The following REPS2 variants were observed in gnomAD, a reference collection of about 807,000 sequenced individuals.
REPS2 encodes ralBP1-associated Eps domain-containing protein 2.
In REPS2, 23 loss-of-function variants were observed where a neutral mutation model predicts 53.6. The observed-to-expected ratio is 0.43, with a 90% CI of 0.31 to 0.61. The LOEUF (loss-of-function observed/expected upper bound fraction) is 0.61, where lower values mean the gene tolerates loss of function less well. Ranked by LOEUF, REPS2 falls within the 20% of genes least tolerant of loss-of-function variation. The probability of loss-of-function intolerance (pLI) is 0.11; values close to 1 mark genes in which losing one functional copy is unlikely to be tolerated. For synonymous variants in REPS2, 238 were observed against 218.6 expected (o/e 1.09, Z -0.78); for missense variants, 446 against 534.9 (o/e 0.83, Z 1.64).
intron 14 of REPS2, among the ~76,000 whole-genome samples, chrX:17,128,727 C>T (rs1407544634): frequency 8.9e-6 from 1 of 112,686 alleles, no homozygotes; most frequent in Admixed American, 9.3e-5. Context: ...TCATATTGTC[C>T]CATCAACCAT....
chrX:16,986,118 A>G (rs756285504), intron 1 of REPS2, among the ~76,000 whole-genome samples: 18 of 112,220 alleles, frequency 1.6e-4, no homozygotes, highest in African/African-American at 5.5e-4. Context: ...TGCAATTTTA[A>G]TGCAACTTAT....
At chrX:16,962,276 T>TACACACACACAC (rs61520216) in intron 1 of REPS2, among the ~76,000 whole-genome samples, 10 of 81,859 alleles carry the variant, frequency 1.2e-4, no homozygotes, top group East Asian at 4.3e-4. Flanking sequence ...TATCGTGGGA[T>TACACACACACAC]ACACACACAC....
intron 1 of REPS2, among the ~76,000 whole-genome samples, chrX:16,988,314 A>C (rs1022647711): frequency 1.8e-5 from 2 of 111,589 alleles, no homozygotes; most frequent in Middle Eastern, 4.6e-3. Flanking sequence ...CTATTTGCAG[A>C]TGACATGATT....
chrX:17,025,171 A>G lies in REPS2; in HGVS notation c.659A>G (p.Glu220Gly), dbSNP rs748902282. 13 of 1,209,142 alleles carry G rather than the reference A, an allele frequency of 1.1e-5. No individual in the cohort carries two copies. The highest frequency in any genetic ancestry group is 2.3e-4 in the Middle Eastern group (1 of 4,361). ...TACAGCAAACTGCGGAGCAGCGCAG[A>G]ACAGATGCATCCAGGTAAGAGGCGA... ...HGYSKLRSSA[E>G]QMHPAPYEAR... Residue 220 changes from glutamate (E) to glycine (G), a missense_variant, in exon 4 of 18, where the codon GAA becomes GGA. By Grantham distance (98) the Glu-to-Gly change is moderately conservative. Coordinates refer to ENST00000357277, the MANE Select transcript of REPS2 (RefSeq NM_004726.3).
At position 17,117,744 on chromosome X, in the gene REPS2, T is replaced by C. The variant is rs780542322; in HGVS notation, c.1578+13965T>C. ...GTGCCGCAATAAACATACGTGTGCA[T>C]GTGTCTTTATAGCAGCATGATTTAT... On this transcript the variant is annotated intron_variant, in intron 14 of 17. Transcript: ENST00000357277. Among the ~76,000 whole-genome samples the C allele has an allele frequency of 4.1e-4, 45 of 109,642 alleles. No individual in the cohort carries two copies. The East Asian group carries it at 0.013, about 31-fold the overall frequency.
chrX:17,108,254 A>T (rs1238021837), intron 14 of REPS2, among the ~76,000 whole-genome samples: 1 of 107,009 alleles, frequency 9.3e-6, no homozygotes, highest in Admixed American at 1.0e-4. Flanking sequence ...GCTCACCGCA[A>T]CCTCCACCTC....
chrX:16,951,087 A>G (rs1002392586), intron 1 of REPS2, among the ~76,000 whole-genome samples: 5 of 111,888 alleles, frequency 4.5e-5, no homozygotes, highest in African/African-American at 1.6e-4. Context: ...AACCAAATAC[A>G]TGTCAAACCC....
chrX:16,956,066 A>G (rs1334412677), intron 1 of REPS2, among the ~76,000 whole-genome samples: 1 of 111,451 alleles, frequency 9.0e-6, no homozygotes, highest in Non-Finnish European at 1.9e-5. Flanking sequence ...AGTAGGAGGC[A>G]GGAAAAAAAA....
rs145275332 is a variant in REPS2 at position 17,018,768 on chromosome X, A to G, written c.398-3355A>G. On this transcript the variant is annotated intron_variant, in intron 2 of 17. Coordinates refer to ENST00000357277, the MANE Select transcript of REPS2 (RefSeq NM_004726.3). The stretch of plus-strand genomic sequence containing the variant: ...AATGTCACTTGCCATTTATTATTGC[A>G]TTTATGCTGTTTACATTTTTTCTAA... Among the ~76,000 whole-genome samples, 864 of 109,288 alleles carry G rather than the reference A, an allele frequency of 7.9e-3. 12 individuals carry two copies. The highest frequency in any genetic ancestry group is 0.028 in the African/African-American group (835 of 29,921). The allele number at this position is 109,288 out of a possible 115,157, so 94.9% of individuals were successfully genotyped here.
At chrX:17,137,800 A>G (rs1043679784) in intron 16 of REPS2, 2 of 110,976 alleles carry the variant, frequency 1.8e-5, no homozygotes, top group African/African-American at 6.6e-5. Context: ...ATAGTGATGG[A>G]GTCTTACTAT....
chrX:17,074,967 A>G, intron 12 of REPS2, among the ~76,000 whole-genome samples: 1 of 112,087 alleles, frequency 8.9e-6, no homozygotes, highest in East Asian at 2.8e-4. Context: ...ATATGCTTGA[A>G]ATACTGATAT....
intron 14 of REPS2, among the ~76,000 whole-genome samples, chrX:17,118,617 A>C (rs1603070761): frequency 1.8e-5 from 2 of 112,327 alleles, no homozygotes; most frequent in South Asian, 7.4e-4. Context: ...CTAGAAATTT[A>C]ATAAGCATGT....
chrX:17,190,489 A>G, the REPS2 span, among the ~76,000 whole-genome samples: 1 of 112,287 alleles, frequency 8.9e-6, no homozygotes. Context: ...AACAAATGGG[A>G]ACACATACCA....
chrX:17,100,943 G>A (rs1209079237), intron 13 of REPS2, among the ~76,000 whole-genome samples: 2 of 111,056 alleles, frequency 1.8e-5, no homozygotes, highest in Non-Finnish European at 3.8e-5. Flanking sequence ...ATCCTGTCAA[G>A]TATAATATTT....
the REPS2 span, among the ~76,000 whole-genome samples, chrX:17,171,852 T>C: frequency 6.3e-5 from 7 of 111,433 alleles, no homozygotes; most frequent in African/African-American, 2.3e-4. Flanking sequence ...ATGTTTTTCT[T>C]CTGCACTTGT....
chrX:16,946,908 C>A lies in REPS2; in HGVS notation c.47C>A (p.Ala16Glu). The part of the protein sequence containing the change: ...AAAAAAAAAA[A>E]AGGGCGSGPP... The stretch of plus-strand genomic sequence containing the variant: ...GCGGCGGCGGCAGCGGCAGCGGCAG[C>A]GGCGGGCGGGGGCTGTGGCTCCGGG... The change falls in exon 1 of 18, where the codon GCG becomes GAG. Residue 16 changes from alanine (A) to glutamate (E), a missense_variant. Physicochemically the swap from Ala to Glu is moderately radical, Grantham distance 107. Coordinates refer to ENST00000357277, the MANE Select transcript of REPS2 (RefSeq NM_004726.3). 1 of 790,247 alleles carries A rather than the reference C, an allele frequency of 1.3e-6. No individual in the cohort carries two copies. Among genetic ancestry groups the A allele is most frequent in the Non-Finnish European group, 1.5e-6 (1 of 665,830 alleles). The allele number at this position is 790,247 out of a possible 1,213,427, so 65.1% of individuals were successfully genotyped here. A position where few individuals can be genotyped will look rare whatever the true frequency, so the allele number is the denominator to read the frequency against.
chrX:16,959,326 G>A (rs1007423457), intron 1 of REPS2, among the ~76,000 whole-genome samples: 1 of 111,864 alleles, frequency 8.9e-6, no homozygotes, highest in Non-Finnish European at 1.9e-5. Flanking sequence ...CTCACTCCTG[G>A]GCTCAAGTGA....
chrX:17,139,441 C>G (rs748229987), intron 17 of REPS2, among the ~76,000 whole-genome samples: 2 of 111,180 alleles, frequency 1.8e-5, no homozygotes, highest in Admixed American at 9.5e-5. Flanking sequence ...CAAAGCCCAG[C>G]CCCTCCTCTG....
chrX:17,019,399 A>C (rs971974631), intron 2 of REPS2, among the ~76,000 whole-genome samples: 3 of 112,195 alleles, frequency 2.7e-5, no homozygotes, highest in Non-Finnish European at 3.8e-5. Context: ...AATTCAATTC[A>C]GTTTGGGAGA....
Sources: gnomAD v4.1 joint callset for allele counts (sites outside exome capture counted in the v4.1 genomes callset) on GRCh38, gnomAD v4.1.1 for gene constraint, MANE v1.5 for transcripts, NCBI Gene and HGNC (gene_info 2026-07-23, HGNC 2026-07-21) for gene names.